DDX60: variants seen among roughly 807,000 people sequenced by gnomAD.
The protein encoded by DDX60 is DExD/H-box helicase 60.
Under a neutral mutation model 212.8 loss-of-function variants are expected in DDX60, and 165 were observed. The observed-to-expected ratio is 0.78, with a 90% CI of 0.68 to 0.88. The LOEUF is 0.88. Ranked by LOEUF, DDX60 falls within the 40% of genes least tolerant of loss-of-function variation. DDX60 has a pLI of 0.00. For missense variants in DDX60, 1,905 were observed against 2,003.9 expected (o/e 0.95, Z 0.94); for synonymous variants, 703 against 685.3 (o/e 1.03, Z -0.40).
At chr4:168,234,944 A>C (rs1330155442) in intron 33 of DDX60, among the ~76,000 whole-genome samples, 1 of 152,034 alleles carries the variant, frequency 6.6e-6, no homozygotes, top group Non-Finnish European at 1.5e-5. Flanking sequence ...TGGATTTCTT[A>C]AGATTTTGAG....
intron 22 of DDX60, among the ~76,000 whole-genome samples, chr4:168,262,994 T>A (rs1310466763): frequency 1.3e-5 from 2 of 152,142 alleles, no homozygotes. Flanking sequence ...CACCAAAAAA[T>A]TTTAATATTA....
At chr4:168,224,781 G>C (rs1285501686) in intron 34 of DDX60, among the ~76,000 whole-genome samples, 1 of 151,886 alleles carries the variant, frequency 6.6e-6, no homozygotes, top group Non-Finnish European at 1.5e-5. Flanking sequence ...TTTGGAAGTA[G>C]TGCATGAGAA....
chr4:168,218,631 A>G (rs536375653), intron 37 of DDX60, among the ~76,000 whole-genome samples: 1 of 152,224 alleles, frequency 6.6e-6, no homozygotes, highest in Non-Finnish European at 1.5e-5. Context: ...TAATGTTAAC[A>G]TAAAGACCTT....
intron 14 of DDX60, 41 bp from the exon 15 acceptor site, chr4:168,276,222 C>A (rs1735335555): frequency 2.0e-6 from 3 of 1,488,510 alleles, no homozygotes; most frequent in African/African-American, 2.8e-5. Context: ...TAAAGACCAT[C>A]AAAAATAATT....
At chr4:168,255,935 A>G (rs1041975246) in intron 25 of DDX60, 66 bp from the exon 26 acceptor site, 11 of 1,462,386 alleles carry the variant, frequency 7.5e-6, no homozygotes, top group Non-Finnish European at 1.0e-5. Context: ...CCATATTTCC[A>G]TCTACTACTA....
chr4:168,271,766 G>C (rs1479099017), intron 19 of DDX60, among the ~76,000 whole-genome samples: 1 of 152,158 alleles, frequency 6.6e-6, no homozygotes, highest in Non-Finnish European at 1.5e-5. Flanking sequence ...ACTTGTACCA[G>C]GATGGTTGAA....
chr4:168,269,165 T>A (rs1031648038), intron 19 of DDX60, among the ~76,000 whole-genome samples, 196 bp from the exon 20 acceptor site: 1 of 152,044 alleles, frequency 6.6e-6, no homozygotes, highest in African/African-American at 2.4e-5. Context: ...TTTCAAAAAT[T>A]TCCTTCAACT....
At chr4:168,232,416 C>T (rs1313347307) in intron 33 of DDX60, among the ~76,000 whole-genome samples, 1 of 151,870 alleles carries the variant, frequency 6.6e-6, no homozygotes, top group Admixed American at 6.6e-5. Flanking sequence ...GAAAACTAAG[C>T]AAAAAGAACA....
chr4:168,315,463 G>T (rs1014729364), intron 1 of DDX60, among the ~76,000 whole-genome samples: 9 of 152,084 alleles, frequency 5.9e-5, no homozygotes, highest in Admixed American at 1.3e-4. Context: ...GAACATGCAG[G>T]TTTGTTACAT....
At chr4:168,226,676 T>C (rs1440895327) in intron 33 of DDX60, among the ~76,000 whole-genome samples, 1 of 152,080 alleles carries the variant, frequency 6.6e-6, no homozygotes, top group Non-Finnish European at 1.5e-5. Flanking sequence ...AACAATACAA[T>C]TCTATTCTTT....
intron 10 of DDX60, among the ~76,000 whole-genome samples, chr4:168,285,919 GGAA>G (rs1735814824): frequency 2.2e-5 from 3 of 134,882 alleles, no homozygotes; most frequent in South Asian, 4.9e-4. Flanking sequence ...AAGGAAGGAA[GGAA>G]GGAAGGAAGG....
intron 30 of DDX60, among the ~76,000 whole-genome samples, chr4:168,238,971 G>A (rs1181919559): frequency 6.6e-6 from 1 of 152,120 alleles, no homozygotes; most frequent in Non-Finnish European, 1.5e-5. Context: ...CATTTAGGTG[G>A]ATAGAGTGAA....
chr4:168,248,294 T>C lies in DDX60; in HGVS notation c.3859-2A>G. The C allele has an allele frequency of 1.3e-6, 2 of 1,584,256 alleles. No individual in the cohort carries two copies. Among genetic ancestry groups the C allele is most frequent in the East Asian group, 2.3e-5 (1 of 43,910 alleles). The stretch of plus-strand genomic sequence containing the variant: ...AAGTGTTCCAGTAGCTGTCACCACC[T>C]TGAAAGAGAATAAAACAATTACTTC... On this transcript the variant is annotated splice_acceptor_variant, in intron 28 of 37. Transcript: ENST00000393743. LOFTEE classifies it high-confidence loss of function.
At chr4:168,218,987 T>C (rs917073800) in intron 37 of DDX60, among the ~76,000 whole-genome samples, 2 of 152,058 alleles carry the variant, frequency 1.3e-5, no homozygotes, top group Non-Finnish European at 2.9e-5. Flanking sequence ...TATATCAATT[T>C]AATGATCCTT....
chr4:168,324,212 G>T, the DDX60 span, among the ~76,000 whole-genome samples: 1 of 152,222 alleles, frequency 6.6e-6, no homozygotes. Context: ...ATGGGCAACT[G>T]GATAGAAAAG....
chr4:168,255,630 C>T, intron 26 of DDX60, 81 bp downstream of exon 26: 1 of 1,222,372 alleles, frequency 8.2e-7, no homozygotes, highest in African/African-American at 1.6e-5. Flanking sequence ...ATTTATAGAA[C>T]ATATTCAATT....
chr4:168,220,826 A>T, intron 36 of DDX60, 109 bp from the exon 37 acceptor site: 1 of 504,972 alleles, frequency 2.0e-6, no homozygotes. Flanking sequence ...GTCTGTCAAG[A>T]TCTCTTTCCA....
chr4:168,224,708 T>C (rs1341460112), intron 34 of DDX60, among the ~76,000 whole-genome samples: 1 of 152,082 alleles, frequency 6.6e-6, no homozygotes, highest in Non-Finnish European at 1.5e-5. Flanking sequence ...TTGTACTTTT[T>C]CTTACTGAAC....
At chr4:168,292,167 C>A (rs1192282074) in intron 7 of DDX60, among the ~76,000 whole-genome samples, 1 of 151,532 alleles carries the variant, frequency 6.6e-6, no homozygotes, top group Non-Finnish European at 1.5e-5. Flanking sequence ...CCTGCCTCAG[C>A]CTCCCGAGTA....
Sources: allele counts gnomAD v4.1 joint callset (sites outside exome capture counted in the v4.1 genomes callset), GRCh38; gene constraint gnomAD v4.1.1; transcripts MANE v1.5; gene names NCBI Gene and HGNC (gene_info 2026-07-23, HGNC 2026-07-21).